Variants in SEL1L3 observed in about 807,000 individuals in gnomAD.
The protein encoded by SEL1L3 is SEL1L family member 3.
SEL1L3 carries 76 observed loss-of-function variants against 142.8 expected under a neutral mutation model. The ratio of observed to expected loss-of-function variants is 0.53; its 90% CI spans 0.44 to 0.64. The LOEUF is 0.64. SEL1L3 is among the 30% of genes least tolerant of loss of function. The probability of loss-of-function intolerance (pLI) is 0.00; values close to 1 mark genes in which losing one functional copy is unlikely to be tolerated. For missense variants in SEL1L3, 1,262 were observed against 1,381.7 expected, an observed-to-expected ratio of 0.91 and a Z score of 1.37; for synonymous variants, 504 against 519.6, an observed-to-expected ratio of 0.97 and a Z score of 0.41.
chr4:25,809,072 CAA>C (rs57752271), intron 9 of SEL1L3, among the ~76,000 whole-genome samples: 16 of 60,270 alleles, frequency 2.7e-4, no homozygotes, highest in Admixed American at 4.8e-4. Flanking sequence ...GACTCTGTCT[CAA>C]AAAAAAAAAA....
At chr4:25,806,480 A>G (rs1713586675) in intron 9 of SEL1L3, among the ~76,000 whole-genome samples, 1 of 152,164 alleles carries the variant, frequency 6.6e-6, no homozygotes, top group Non-Finnish European at 1.5e-5. Context: ...GCAGAGGTCC[A>G]TGCTAAAAAT....
At chr4:25,818,865 A>G (rs918463659) in intron 8 of SEL1L3, among the ~76,000 whole-genome samples, 6 of 152,176 alleles carry the variant, frequency 3.9e-5, no homozygotes, top group Non-Finnish European at 8.8e-5. Context: ...GAATTGCAGA[A>G]GCACTATCTT....
intron 17 of SEL1L3, chr4:25,770,451 ACCTCTGGG>A (rs1358001248): frequency 6.6e-6 from 1 of 152,088 alleles, no homozygotes; most frequent in African/African-American, 2.4e-5. Context: ...ACAGAAATCT[ACCTCTGGG>A]CCGAGCACAG....
At position 25,796,780 on chromosome 4, in the gene SEL1L3, CAAAACAAA is replaced by C. The variant is rs1712789987; in HGVS notation, c.1956+5495_1956+5502del. On this transcript the variant is annotated intron_variant, in intron 11 of 23. Coordinates refer to ENST00000399878, the MANE Select transcript of SEL1L3 (RefSeq NM_015187.5). ...GGACTCTATCTCGAAAAAAACAAAA[CAAAACAAA>C]AAAACAAAAACAAAACACAGTAAGG... 4.0e-5 allele frequency among the ~76,000 whole-genome samples: 6 copies of C among 149,544 alleles called. No homozygotes were observed. The South Asian group carries it at 1.3e-3, about 32-fold the overall frequency.
intron 17 of SEL1L3, among the ~76,000 whole-genome samples, chr4:25,774,694 CT>C (rs1174083149): frequency 1.3e-5 from 2 of 152,116 alleles, no homozygotes; most frequent in Non-Finnish European, 2.9e-5. Context: ...ACCCTCTCTA[CT>C]AAAAATACAA....
In SEL1L3 at chr4:25,747,572, T is replaced by TAACACACA. The variant is rs1471907528; in HGVS notation, c.*852_*853insTGTGTGTT. On this transcript the variant is annotated 3_prime_UTR_variant, in exon 24 of 24. Coordinates refer to ENST00000399878, the MANE Select transcript of SEL1L3 (RefSeq NM_015187.5). ...ACAGACATTCTGCTCTTCCTCTTCCTCTCTAACACACACACACACACACAC... is the reference window on the plus strand; with the variant it reads ...ACAGACATTCTGCTCTTCCTCTTCCTAACACACACTCTAACACACACACACACACACAC... 124 of 145,510 alleles carry TAACACACA rather than the reference T, an allele frequency of 8.5e-4. No individual in the cohort carries two copies. Among genetic ancestry groups the TAACACACA allele is most frequent in the African/African-American group, 3.0e-3 (116 of 38,206 alleles). 9.0% of individuals were successfully genotyped at this position (145,510 alleles called of 1,614,324 possible).
Position 25,779,237 on chromosome 4 carries a change from C to T in SEL1L3, c.2458-34G>A, listed in dbSNP as rs199843124. 51 of 1,608,126 alleles carry T rather than the reference C, an allele frequency of 3.2e-5. No homozygotes were observed. The African/African-American group carries it at 5.9e-4, about 19-fold the overall frequency. ...AGAGATGAACAAACATCGAGTCATC[C>T]TAGCTGGGCTGGTTTCGCCAGAGAC... On this transcript the variant is annotated intron_variant, in intron 15 of 23. Coordinates refer to ENST00000399878, the MANE Select transcript of SEL1L3 (RefSeq NM_015187.5).
intron 11 of SEL1L3, among the ~76,000 whole-genome samples, chr4:25,793,878 T>A (rs1239763331): frequency 6.6e-6 from 1 of 152,178 alleles, no homozygotes; most frequent in African/African-American, 2.4e-5. Context: ...TAAGGTTGCA[T>A]GAGGATTAAA....
the SEL1L3 span, among the ~76,000 whole-genome samples, chr4:25,731,131 G>A: frequency 6.6e-6 from 1 of 152,138 alleles, no homozygotes; most frequent in African/African-American, 2.4e-5. Context: ...AGTTCAAAGG[G>A]ACATTAAAAC....
intron 13 of SEL1L3, among the ~76,000 whole-genome samples, chr4:25,786,053 T>A (rs976466952): frequency 2.0e-5 from 3 of 152,180 alleles, no homozygotes; most frequent in Non-Finnish European, 4.4e-5. Flanking sequence ...TGAAGCCTGG[T>A]ACATCGTAAG....
At chr4:25,815,234 G>A (rs1188592459) in intron 9 of SEL1L3, among the ~76,000 whole-genome samples, 7 of 152,102 alleles carry the variant, frequency 4.6e-5, no homozygotes, top group African/African-American at 1.2e-4. Flanking sequence ...AGTCATGAAC[G>A]GTGGGTCCTA....
At chr4:25,830,043 G>T (rs1296391854) in intron 6 of SEL1L3, 55 bp downstream of exon 6, 4 of 1,122,466 alleles carry the variant, frequency 3.6e-6, no homozygotes, top group Admixed American at 3.6e-5. Context: ...AAAGTATGAA[G>T]ATTCCTTAAC....
In SEL1L3 at chr4:25,822,027, T is replaced by C. The variant is rs1714794731; in HGVS notation, c.1259A>G (p.Tyr420Cys). 26 of 1,613,944 alleles carry C rather than the reference T, an allele frequency of 1.6e-5. No individual in the cohort carries two copies. Among genetic ancestry groups the C allele is most frequent in the Non-Finnish European group, 2.1e-5 (25 of 1,179,874 alleles). The change falls in exon 7 of 24, where the codon TAC becomes TGC. Residue 420 changes from tyrosine (Y) to cysteine (C), a missense_variant. By Grantham distance (194) the Tyr-to-Cys change is radical (BLOSUM62 -2). Transcript: ENST00000399878. The part of the protein sequence containing the change: ...GIEGFFGPLK[Y>C]YRLRSLHPAQ... The stretch of plus-strand genomic sequence containing the variant: ...GGGGTGCAGACTGCGAAGGCGATAG[T>C]ACTTCAGGGGTCCAAAAAACCCTTC...
intron 23 of SEL1L3, among the ~76,000 whole-genome samples, chr4:25,757,226 CCACTG>C (rs1304725331): frequency 6.6e-6 from 1 of 151,910 alleles, no homozygotes; most frequent in East Asian, 1.9e-4. Context: ...TGAGATCACA[CCACTG>C]CACTCCAGCC....
intron 17 of SEL1L3, among the ~76,000 whole-genome samples, chr4:25,770,672 G>A (rs182378365): frequency 1.3e-4 from 19 of 150,492 alleles, no homozygotes; most frequent in Admixed American, 6.6e-4. Flanking sequence ...CCCAGGAGGC[G>A]GAGGTTGCAG....
intron 16 of SEL1L3, chr4:25,778,029 T>G (rs1285757456): frequency 1.3e-5 from 4 of 304,114 alleles, no homozygotes; most frequent in Non-Finnish European, 2.6e-5. Context: ...ACAAAACAGG[T>G]ACCAAGCTAC....
intron 17 of SEL1L3, 122 bp from the exon 18 acceptor site, chr4:25,767,952 C>T (rs1343241728): frequency 7.9e-6 from 5 of 635,632 alleles, no homozygotes; most frequent in South Asian, 2.1e-5. Flanking sequence ...ACCACAAAAT[C>T]GTGAGTTTTT....
chr4:25,779,070 T>C lies in SEL1L3; in HGVS notation c.2585+6A>G. 1.2e-6 allele frequency: 2 copies of C among 1,613,006 alleles called. No individual in the cohort carries two copies. The highest frequency in any genetic ancestry group is 1.7e-6 in the Non-Finnish European group (2 of 1,179,330). ...CCTTCAAATGCAACGTTTGACAGAG[T>C]CTTACACAACAGCTTTCTCAGGATC... On this transcript the variant is annotated splice_donor_region_variant and intron_variant, in intron 16 of 23. Coordinates refer to ENST00000399878, the MANE Select transcript of SEL1L3 (RefSeq NM_015187.5).
the SEL1L3 span, among the ~76,000 whole-genome samples, chr4:25,737,857 C>A: frequency 8.6e-5 from 13 of 151,538 alleles, no homozygotes; most frequent in Non-Finnish European, 1.8e-4. Context: ...AAATAATGAT[C>A]AAAATAAGTT....
Sources: allele counts gnomAD v4.1 joint callset (sites outside exome capture counted in the v4.1 genomes callset), GRCh38; gene constraint gnomAD v4.1.1; transcripts MANE v1.5; gene names NCBI Gene and HGNC (gene_info 2026-07-23, HGNC 2026-07-21).